VPS33B: variants seen among roughly 807,000 people sequenced by gnomAD.
VPS33B encodes the protein VPS33B late endosome and lysosome associated.
VPS33B carries 80 observed loss-of-function variants against 95.3 expected under a neutral mutation model. The ratio of observed to expected loss-of-function variants is 0.84; its 90% CI spans 0.70 to 1.01. The LOEUF (loss-of-function observed/expected upper bound fraction) is 1.01. Among genes scored for constraint, VPS33B ranks in the 50% least tolerant of loss-of-function variants. The pLI, the probability that VPS33B is intolerant of heterozygous loss-of-function variation, is 0.00. For missense variants in VPS33B, 715 were observed against 773.4 expected, an observed-to-expected ratio of 0.92 and a Z score of 0.90; for synonymous variants, 280 against 280.4, an observed-to-expected ratio of 1.00 and a Z score of 0.01.
At chr15:91,017,715 A>G (rs2040983192) in intron 2 of VPS33B, 90 bp downstream of exon 2, 2 of 1,235,830 alleles carry the variant, frequency 1.6e-6, no homozygotes, top group Admixed American at 3.5e-5. Context: ...TTTGCCCTAC[A>G]AGAGTAGTCA....
At chr15:91,021,302 A>G (rs2041094814) in intron 1 of VPS33B, among the ~76,000 whole-genome samples, 1 of 152,230 alleles carries the variant, frequency 6.6e-6, no homozygotes, top group Non-Finnish European at 1.5e-5. Context: ...TCACAGTGGC[A>G]GTATTATTTT....
chr15:91,022,046 A>G (rs2041118006), intron 1 of VPS33B, 108 bp downstream of exon 1: 2 of 1,296,520 alleles, frequency 1.5e-6, no homozygotes, highest in Non-Finnish European at 2.2e-6. Context: ...AGCGCCAAGG[A>G]CAATACCAGG....
rs751998607 is a variant in VPS33B at position 91,005,701 on chromosome 15, C to T, written c.1023G>A (p.Leu341=). The part of the protein sequence containing the change: ...LKGLKQEHRL[L]SLHIGACESI... ...CCTCAAGCTGAAACCTACGGAGACT[C>T]AGCAGGCGGTGCTCCTGTTTCAGGC... The change falls in exon 13 of 23, where the codon CTG becomes CTA. Residue 341 remains leucine (L), a synonymous_variant. Transcript: ENST00000333371. This position sits in a 1 kb window ranked among gnomAD's most constrained non-coding sequence, Gnocchi z 6.4. 2 of 1,614,166 alleles carry T rather than the reference C, an allele frequency of 1.2e-6. No individual in the cohort carries two copies. Among genetic ancestry groups the T allele is most frequent in the Non-Finnish European group, 1.7e-6 (2 of 1,180,024 alleles).
chr15:91,002,260 G>T lies in VPS33B; in HGVS notation c.1273-78C>A. 1.3e-6 allele frequency: 2 copies of T among 1,575,980 alleles called. No homozygotes were observed. Among genetic ancestry groups the T allele is most frequent in the Non-Finnish European group, 1.7e-6 (2 of 1,155,350 alleles). Reference sequence around the variant, plus strand: ...CTGTCAGGTACTACAGAGTTGAGCAGAAGGACTATGAAGCCTCTGCTGCAG... The same window carrying T: ...CTGTCAGGTACTACAGAGTTGAGCATAAGGACTATGAAGCCTCTGCTGCAG... On this transcript the variant is annotated intron_variant, in intron 17 of 22. Coordinates refer to ENST00000333371, the MANE Select transcript of VPS33B (RefSeq NM_018668.5). This position sits in a 1 kb window ranked among gnomAD's most constrained non-coding sequence, Gnocchi z 4.7.
Position 91,009,749 on chromosome 15 carries a change from T to A in VPS33B, c.403+52A>T, listed in dbSNP as rs182202371. On this transcript the variant is annotated intron_variant, in intron 6 of 22. Transcript: ENST00000333371. The surrounding 1 kb of genome is among the most constrained non-coding windows in gnomAD (Gnocchi z 4.1). ...GGGGGGTTGGAGAACAACAACAGTTTTTTCTTCTGTATGTTCTCTTTCCCT... is the reference window on the plus strand; with the variant it reads ...GGGGGGTTGGAGAACAACAACAGTTATTTCTTCTGTATGTTCTCTTTCCCT... The A allele has an allele frequency of 1.9e-4, 313 of 1,608,246 alleles. No individual in the cohort carries two copies. In the African/African-American group the frequency reaches 3.9e-3, roughly 20 times the overall value.
At position 90,999,691 on chromosome 15, in the gene VPS33B, A is replaced by G; in HGVS notation, c.1760T>C (p.Leu587Pro). ...CTCTCTCTTACCTTTCTCTCTGCCC[A>G]GGAACCGGAGGGCTGAGATCTCAGA... is the stretch of plus-strand genomic sequence containing the variant. Reference protein sequence around the residue: ...TFSEISALRFLGREKGYRFIF... With the variant: ...TFSEISALRFPGREKGYRFIF... Residue 587 changes from leucine to proline, a missense_variant, in exon 22 of 23, where the codon CTG (leucine) becomes CCG (proline). Physicochemically the swap from Leu to Pro is moderately conservative, Grantham distance 98. Transcript: ENST00000333371. This position sits in a 1 kb window ranked among gnomAD's most constrained non-coding sequence, Gnocchi z 5.1. 1 of 1,614,104 alleles carries G rather than the reference A, an allele frequency of 6.2e-7. No homozygotes were observed. The highest frequency in any genetic ancestry group is 8.5e-7 in the Non-Finnish European group (1 of 1,180,000).
intron 16 of VPS33B, 66 bp from the exon 17 acceptor site, chr15:91,003,197 A>C: frequency 6.6e-7 from 1 of 1,512,418 alleles, no homozygotes; most frequent in Non-Finnish European, 9.2e-7. Flanking sequence ...TAAAATGTAC[A>C]GATCAACCAG....
chr15:91,008,075 C>T, intron 6 of VPS33B, 111 bp from the exon 7 acceptor site: 1 of 950,636 alleles, frequency 1.1e-6, no homozygotes, highest in Non-Finnish European at 1.7e-6. Flanking sequence ...TGAGTGCCTG[C>T]CACATGCCAG....
In VPS33B at chr15:91,004,831, A is replaced by T. The variant is rs750665162; in HGVS notation, c.1225+46T>A. 1.8e-5 allele frequency: 29 copies of T among 1,607,782 alleles called. 1 individual carries two copies. The South Asian group carries it at 2.0e-4, about 11-fold the overall frequency. Reference sequence around the variant, plus strand: ...AAATCACTTCTTCTGTCCCTAAGGCATAGTTTCTCAATCTGACATTCTCAT... The same window carrying T: ...AAATCACTTCTTCTGTCCCTAAGGCTTAGTTTCTCAATCTGACATTCTCAT... On this transcript the variant is annotated intron_variant, in intron 16 of 22. Transcript: ENST00000333371.
Position 91,000,446 on chromosome 15 carries a change from G to C in VPS33B, c.1581+44C>G. On this transcript the variant is annotated intron_variant, in intron 20 of 22. Coordinates refer to ENST00000333371, the MANE Select transcript of VPS33B (RefSeq NM_018668.5). The surrounding 1 kb of genome is among the most constrained non-coding windows in gnomAD (Gnocchi z 4.9). ...ACACGCCAGGGACCAAGAGAAAGCA[G>C]AGAGAATGAAATATGAATGGGAGCA... is the stretch of plus-strand genomic sequence containing the variant. 1 of 1,552,580 alleles carries C rather than the reference G, an allele frequency of 6.4e-7. No homozygotes were observed.
In VPS33B at chr15:91,006,380, C is replaced by T. The variant is rs376313815; in HGVS notation, c.844G>A (p.Glu282Lys). Residue 282 changes from glutamate to lysine, a missense_variant, in exon 11 of 23, where the codon GAG (glutamate) becomes AAG (lysine). Transcript: ENST00000333371. The surrounding 1 kb of genome is among the most constrained non-coding windows in gnomAD (Gnocchi z 5.4). ...AGCACCCACACCCTCACCTTGTCCTCGGCATTGAGTAGCACCTTCAGGCTC... is the reference window on the plus strand; with the variant it reads ...AGCACCCACACCCTCACCTTGTCCTTGGCATTGAGTAGCACCTTCAGGCTC... The part of the protein sequence containing the change: ...DKSLKVLLNA[E>K]DKVFNEIRNE... 7.4e-6 allele frequency: 12 copies of T among 1,614,066 alleles called. No homozygotes were observed. The highest frequency in any genetic ancestry group is 4.4e-5 in the South Asian group (4 of 91,086).
chr15:91,012,445 G>A (rs1368040414), intron 5 of VPS33B, among the ~76,000 whole-genome samples: 1 of 152,082 alleles, frequency 6.6e-6, no homozygotes, highest in African/African-American at 2.4e-5. Flanking sequence ...TGAGAAAACC[G>A]AGACACGGAG....
downstream of VPS33B, chr15:90,998,490 C>T (rs138876658): frequency 5.1e-3 from 919 of 181,554 alleles, 5 homozygotes; most frequent in Non-Finnish European, 8.2e-3. The surrounding 1 kb of genome is among the most constrained non-coding windows in gnomAD (Gnocchi z 4.8). Context: ...TCAGCCATCT[C>T]CCTCATTTTA....
chr15:90,999,290 A>G lies in VPS33B; in HGVS notation c.1775-236T>C, dbSNP rs1203172841. 1 of 598,416 alleles carries G rather than the reference A, an allele frequency of 1.7e-6. No homozygotes were observed. The highest frequency in any genetic ancestry group is 3.0e-6 in the Non-Finnish European group (1 of 337,766). 37.1% of individuals were successfully genotyped at this position (598,416 alleles called of 1,614,324 possible). On this transcript the variant is annotated intron_variant, in intron 22 of 22. Transcript: ENST00000333371. The surrounding 1 kb of genome is among the most constrained non-coding windows in gnomAD (Gnocchi z 5.1). The stretch of plus-strand genomic sequence containing the variant: ...AAGTTGTATTCTGAGGCCAGGAGAA[A>G]AATATTCCTGTGCAGGACACTTTGC...
chr15:91,011,640 A>G lies in VPS33B; in HGVS notation c.358-1794T>C, dbSNP rs1169010235. On this transcript the variant is annotated intron_variant, in intron 5 of 22. Coordinates refer to ENST00000333371, the MANE Select transcript of VPS33B (RefSeq NM_018668.5). The surrounding 1 kb of genome is among the most constrained non-coding windows in gnomAD (Gnocchi z 5.5). ...AAATAACTATTTTGTTTTTCTGTGTAATAGAGAGGCTTGTAGGATTATTTT... is the reference window on the plus strand; with the variant it reads ...AAATAACTATTTTGTTTTTCTGTGTGATAGAGAGGCTTGTAGGATTATTTT... 6.6e-6 allele frequency among the ~76,000 whole-genome samples: 1 copy of G among 152,204 alleles called. No homozygotes were observed. Among genetic ancestry groups the G allele is most frequent in the Non-Finnish European group, 1.5e-5 (1 of 68,032 alleles).
rs1419461567 is a variant in VPS33B, at chr15:91,015,151, C to T, written c.240-718G>A. ...AGGAGTTTGAGACCAGCCCAGCCAA[C>T]ATGGTGAAACCCCGTCTCTACTAAA... On this transcript the variant is annotated intron_variant, in intron 3 of 22. Transcript: ENST00000333371. This position sits in a 1 kb window ranked among gnomAD's most constrained non-coding sequence, Gnocchi z 4.7. Among the ~76,000 whole-genome samples, 1 of 151,524 alleles carries T rather than the reference C, an allele frequency of 6.6e-6. No homozygotes were observed.
rs575703376 is a variant in VPS33B at position 90,998,910 on chromosome 15, C to T, written c.*65G>A. On this transcript the variant is annotated 3_prime_UTR_variant, in exon 23 of 23. Transcript: ENST00000333371. The surrounding 1 kb of genome is among the most constrained non-coding windows in gnomAD (Gnocchi z 4.8). ...GACACTTGGTTATAGCAGCTGGGTGCCAGATGCCTGCATCTCACTGAGGAA... is the reference window on the plus strand; with the variant it reads ...GACACTTGGTTATAGCAGCTGGGTGTCAGATGCCTGCATCTCACTGAGGAA... The T allele has an allele frequency of 2.3e-5, 36 of 1,563,018 alleles. No individual in the cohort carries two copies. In the East Asian group the frequency reaches 7.4e-4, roughly 32 times the overall value.
chr15:91,007,307 C>T lies in VPS33B; in HGVS notation c.603+162G>A, dbSNP rs768039174. On this transcript the variant is annotated intron_variant, in intron 8 of 22. Transcript: ENST00000333371. This position sits in a 1 kb window ranked among gnomAD's most constrained non-coding sequence, Gnocchi z 5.3. ...CCAGGAGATCCTGGCTTTTGCTTCTCTGTTAGCCACACAAGTTCTCCTCTC... is the reference window on the plus strand; with the variant it reads ...CCAGGAGATCCTGGCTTTTGCTTCTTTGTTAGCCACACAAGTTCTCCTCTC... 1.3e-5 allele frequency among the ~76,000 whole-genome samples: 2 copies of T among 152,232 alleles called. No individual in the cohort carries two copies. Among genetic ancestry groups the T allele is most frequent in the African/African-American group, 4.8e-5 (2 of 41,460 alleles).
chr15:91,010,380 C>A lies in VPS33B; in HGVS notation c.358-534G>T, dbSNP rs185398388. ...CTTTGGAAGGCCGAGGCAGGTGAAT[C>A]GCTTGAGCCCAGAAGTTCTAGACCA... On this transcript the variant is annotated intron_variant, in intron 5 of 22. Transcript: ENST00000333371. This position sits in a 1 kb window ranked among gnomAD's most constrained non-coding sequence, Gnocchi z 5.7. 6.6e-6 allele frequency among the ~76,000 whole-genome samples: 1 copy of A among 152,188 alleles called. No homozygotes were observed. The highest frequency in any genetic ancestry group is 2.4e-5 in the African/African-American group (1 of 41,440).
Sources: allele counts gnomAD v4.1 joint callset (sites outside exome capture counted in the v4.1 genomes callset), GRCh38; gene constraint gnomAD v4.1.1; non-coding constraint Gnocchi (gnomAD v3.1); transcripts MANE v1.5; gene names NCBI Gene and HGNC (gene_info 2026-07-23, HGNC 2026-07-21).